The following COMMD1 variants were observed in gnomAD, a reference collection of about 807,000 sequenced individuals.
COMMD1 encodes copper metabolism domain containing 1.
In COMMD1, 10 loss-of-function variants were observed where a neutral mutation model predicts 17.2. The ratio of observed to expected loss-of-function variants is 0.58; its 90% confidence interval spans 0.36 to 0.99. The LOEUF (loss-of-function observed/expected upper bound fraction) is 0.99. Ranked by LOEUF, COMMD1 falls within the 50% of genes least tolerant of loss-of-function variation. COMMD1 has a pLI of 0.01. For synonymous variants in COMMD1, 97 were observed against 91.6 expected (o/e 1.06, Z -0.34); for missense variants, 270 against 231.8 (o/e 1.17, Z -1.07).
intron 1 of COMMD1, among the ~76,000 whole-genome samples, chr2:61,897,510 G>A (rs1669573592): frequency 6.6e-6 from 1 of 152,204 alleles, no homozygotes; most frequent in Admixed American, 6.5e-5. Flanking sequence ...TTACTTGGGA[G>A]GCCGAGGTGG....
chr2:61,985,010 T>C (rs1672064542), intron 1 of COMMD1, among the ~76,000 whole-genome samples: 1 of 151,818 alleles, frequency 6.6e-6, no homozygotes, highest in African/African-American at 2.4e-5. Context: ...GAATATCTTT[T>C]CCTATTCCTT....
chr2:62,077,467 C>G (rs181119180), intron 2 of COMMD1, among the ~76,000 whole-genome samples: 1 of 152,248 alleles, frequency 6.6e-6, no homozygotes, highest in African/African-American at 2.4e-5. Flanking sequence ...TTTCTAGAGT[C>G]TGCCAACCAA....
At chr2:61,997,197 C>T (rs905711914) in intron 1 of COMMD1, among the ~76,000 whole-genome samples, 2 of 151,802 alleles carry the variant, frequency 1.3e-5, no homozygotes, top group Admixed American at 6.6e-5. Flanking sequence ...GTAGCTGGGA[C>T]CACAGATGCG....
intron 2 of COMMD1, among the ~76,000 whole-genome samples, chr2:62,068,001 A>G (rs1168509297): frequency 6.6e-6 from 1 of 152,162 alleles, no homozygotes; most frequent in Non-Finnish European, 1.5e-5. Context: ...TGATTACCCT[A>G]TCAAATTCCC....
In COMMD1 at chr2:62,135,891, C is replaced by T. The variant is rs1558614152; in HGVS notation, c.523C>T (p.Leu175=). The change falls in exon 3 of 3, where the codon CTG becomes TTG. Residue 175 remains leucine (L), a synonymous_variant. Coordinates refer to ENST00000311832, the MANE Select transcript of COMMD1 (RefSeq NM_152516.4). ...CAAAGTCAACCAAATTCTGAAGACGCTGTCAGAGGTAGAAGAAAGTATCAG... is the reference window on the plus strand; with the variant it reads ...CAAAGTCAACCAAATTCTGAAGACGTTGTCAGAGGTAGAAGAAAGTATCAG... The part of the protein sequence containing the change: ...EVKVNQILKT[L]SEVEESISTL... 1 of 1,605,456 alleles carries T rather than the reference C, an allele frequency of 6.2e-7. No individual in the cohort carries two copies. The highest frequency in any genetic ancestry group is 8.5e-7 in the Non-Finnish European group (1 of 1,172,124).
intron 1 of COMMD1, among the ~76,000 whole-genome samples, chr2:61,948,511 T>C (rs536640781): frequency 6.6e-6 from 1 of 152,298 alleles, no homozygotes; most frequent in East Asian, 1.9e-4. Context: ...ATAATATATA[T>C]ACACATATAC....
chr2:62,102,357 G>A (rs554983677), intron 2 of COMMD1, among the ~76,000 whole-genome samples: 12 of 152,220 alleles, frequency 7.9e-5, no homozygotes, highest in South Asian at 2.1e-4. Flanking sequence ...TAGTACAGAT[G>A]CCATTTCCTT....
At chr2:61,995,942 T>C (rs1668743142) in intron 1 of COMMD1, among the ~76,000 whole-genome samples, 1 of 152,120 alleles carries the variant, frequency 6.6e-6, no homozygotes, top group South Asian at 2.1e-4. Flanking sequence ...ATTAAGCGAG[T>C]CACATGAATT....
chr2:61,967,095 A>T (rs1671526994), intron 1 of COMMD1, among the ~76,000 whole-genome samples: 1 of 152,032 alleles, frequency 6.6e-6, no homozygotes, highest in African/African-American at 2.4e-5. Flanking sequence ...ATTATAGTGG[A>T]AATGGGGCCA....
chr2:61,893,055 C>A (rs777797199), intron 1 of COMMD1, among the ~76,000 whole-genome samples: 1 of 151,778 alleles, frequency 6.6e-6, no homozygotes, highest in Non-Finnish European at 1.5e-5. Context: ...TTAGTAGAGA[C>A]GGGGTTTCAC....
intron 2 of COMMD1, among the ~76,000 whole-genome samples, chr2:62,110,746 T>C (rs1392860388): frequency 2.6e-5 from 4 of 152,076 alleles, no homozygotes; most frequent in African/African-American, 9.7e-5. Flanking sequence ...GGAGGAAAAA[T>C]AATTTTCTCC....
At chr2:62,043,237 A>G (rs1670289378) in intron 2 of COMMD1, among the ~76,000 whole-genome samples, 1 of 152,232 alleles carries the variant, frequency 6.6e-6, no homozygotes, top group Non-Finnish European at 1.5e-5. Flanking sequence ...TATTCACTGA[A>G]GATACTTCTA....
chr2:61,975,118 C>CTTTTTTTTTTTTTTTTTTTTTTT, intron 1 of COMMD1, among the ~76,000 whole-genome samples: 7 of 80,166 alleles, frequency 8.7e-5, no homozygotes, highest in Non-Finnish European at 1.4e-4. Context: ...TCATTTCTTT[C>CTTTTTTTTTTTTTTTTTTTTTTT]TTTTTTTTTT....
chr2:62,135,117 G>T (rs1415929981), intron 2 of COMMD1, among the ~76,000 whole-genome samples: 1 of 152,170 alleles, frequency 6.6e-6, no homozygotes, highest in East Asian at 1.9e-4. Flanking sequence ...ATCCAGAGCT[G>T]AGAGTTCCCA....
chr2:62,110,760 A>G (rs907595477), intron 2 of COMMD1, among the ~76,000 whole-genome samples: 1 of 152,158 alleles, frequency 6.6e-6, no homozygotes, highest in Admixed American at 6.5e-5. Flanking sequence ...TTTCTCCTCC[A>G]CCATTCACAA....
chr2:61,905,620 A>G, upstream of COMMD1: 17 of 1,471,692 alleles, frequency 1.2e-5, no homozygotes, highest in South Asian at 2.2e-4. Context: ...ATTTAGGCAC[A>G]TCTCGGCCGC....
At chr2:62,131,118 T>G (rs1673024480) in intron 2 of COMMD1, among the ~76,000 whole-genome samples, 1 of 152,220 alleles carries the variant, frequency 6.6e-6, no homozygotes, top group South Asian at 2.1e-4. Flanking sequence ...TAGGATTTTG[T>G]GGCTTTTTAA....
In COMMD1 at chr2:62,136,004, C is replaced by A; in HGVS notation, c.*63C>A. 1.2e-6 allele frequency: 1 copy of A among 855,454 alleles called. No individual in the cohort carries two copies. Among genetic ancestry groups the A allele is most frequent in the Non-Finnish European group, 2.0e-6 (1 of 492,638 alleles). 53.0% of individuals were successfully genotyped at this position (855,454 alleles called of 1,614,324 possible). A position where few individuals can be genotyped will look rare whatever the true frequency, so the allele number is the denominator to read the frequency against. ...GGTGTCCATGATCCCTCCCCACTGA[C>A]CTTTTCTAAGAAAATTCTTGTGCCC... On this transcript the variant is annotated 3_prime_UTR_variant, in exon 3 of 3. Coordinates refer to ENST00000311832, the MANE Select transcript of COMMD1 (RefSeq NM_152516.4).
At chr2:62,105,922 A>C (rs148841292) in intron 2 of COMMD1, among the ~76,000 whole-genome samples, 1 of 152,382 alleles carries the variant, frequency 6.6e-6, no homozygotes, top group East Asian at 1.9e-4. Context: ...TCAACATGAG[A>C]TTTGGACAGG....
Sources: allele counts gnomAD v4.1 joint callset (sites outside exome capture counted in the v4.1 genomes callset), GRCh38; gene constraint gnomAD v4.1.1; transcripts MANE v1.5; gene names NCBI Gene and HGNC (gene_info 2026-07-23, HGNC 2026-07-21).